DET1: variants seen among roughly 807,000 people sequenced by gnomAD.
The protein encoded by DET1 is DET1 homolog.
Under a neutral mutation model 43.7 loss-of-function variants are expected in DET1, and 22 were observed. The ratio of observed to expected loss-of-function variants is 0.50; its 90% CI spans 0.36 to 0.72. The LOEUF is 0.72. Ranked by LOEUF, DET1 falls within the 30% of genes least tolerant of loss-of-function variation. DET1 has a pLI of 0.00. For synonymous variants in DET1, 315 were observed against 266.2 expected (o/e 1.18, Z -1.79); for missense variants, 713 against 713.3 (o/e 1.00, Z 0.00).
intron 3 of DET1, among the ~76,000 whole-genome samples, chr15:88,526,514 G>A (rs926573253): frequency 2.3e-4 from 35 of 148,950 alleles, no homozygotes; most frequent in African/African-American, 7.8e-4. Flanking sequence ...GGTGACCTAA[G>A]TGATTTGTAA....
rs868324046 is a variant in DET1 at position 88,513,820 on chromosome 15, G to C, written c.1464-680C>G. 6.1e-4 allele frequency among the ~76,000 whole-genome samples: 58 copies of C among 95,854 alleles called. 1 individual carries two copies. In the South Asian group the frequency reaches 0.02, roughly 33 times the overall value. The allele number at this position is 95,854 out of a possible 152,430, so 62.9% of individuals were successfully genotyped here. ...TTTTTTTTTTTTTTTTTTTTTTTGA[G>C]ACGGAGTCTCGCTCTGTCGCCCAGG... On this transcript the variant is annotated intron_variant, in intron 4 of 4. Coordinates refer to ENST00000268148, the MANE Select transcript of DET1 (RefSeq NM_001144074.3).
chr15:88,531,064 C>T lies in DET1; in HGVS notation c.642G>A (p.Val214=), dbSNP rs764017685. The change falls in exon 2 of 5, where the codon GTG becomes GTA. Residue 214 remains valine, a synonymous_variant. Coordinates refer to ENST00000268148, the MANE Select transcript of DET1 (RefSeq NM_001144074.3). This position sits in a 1 kb window ranked among gnomAD's most constrained non-coding sequence, Gnocchi z 6.2. ...ACAGCCCTTGGTTGTGTGACAAGAC[C>T]ACCTTGTCACACTTGAACGTGCGTG... The part of the protein sequence containing the change: ...CDTRTFKCDK[V]VLSHNQGLYL... The T allele has an allele frequency of 5.0e-6, 8 of 1,613,766 alleles. No individual in the cohort carries two copies. The Admixed American group carries it at 1.3e-4, about 27-fold the overall frequency.
chr15:88,506,602 C>T (rs2056144566), intron 7 of DET1, among the ~76,000 whole-genome samples: 1 of 152,130 alleles, frequency 6.6e-6, no homozygotes, highest in African/African-American at 2.4e-5. Flanking sequence ...TTATAATCTA[C>T]TCATTAAGGA....
intron 4 of DET1, among the ~76,000 whole-genome samples, chr15:88,515,720 T>C (rs1395854974): frequency 6.6e-6 from 1 of 151,976 alleles, no homozygotes; most frequent in Admixed American, 6.6e-5. Context: ...TTTTTAAAGA[T>C]GGGGTAATGG....
intron 7 of DET1, among the ~76,000 whole-genome samples, chr15:88,507,204 T>G (rs1179987457): frequency 6.6e-6 from 1 of 152,214 alleles, no homozygotes; most frequent in Non-Finnish European, 1.5e-5. Context: ...TCTAGCTATA[T>G]GCTAATGTCT....
chr15:88,539,336 C>G (rs184184723), intron 1 of DET1, among the ~76,000 whole-genome samples: 4 of 150,946 alleles, frequency 2.6e-5, no homozygotes, highest in Admixed American at 1.3e-4. Context: ...CGATCCAAGC[C>G]GGGGGTTTAT....
At chr15:88,522,815 C>A (rs549446313) in intron 3 of DET1, among the ~76,000 whole-genome samples, 3 of 150,998 alleles carry the variant, frequency 2.0e-5, no homozygotes, top group Admixed American at 1.3e-4. Context: ...ACCGCGCACC[C>A]GGCTGGAATG....
At chr15:88,536,970 A>G (rs935091606) in intron 1 of DET1, among the ~76,000 whole-genome samples, 1 of 152,070 alleles carries the variant, frequency 6.6e-6, no homozygotes, top group African/African-American at 2.4e-5. Context: ...TCCAATCTGT[A>G]TTTTAAAACG....
intron 7 of DET1, among the ~76,000 whole-genome samples, chr15:88,507,213 C>A (rs771884689): frequency 5.3e-5 from 8 of 152,288 alleles, no homozygotes; most frequent in Non-Finnish European, 8.8e-5. Flanking sequence ...ATGCTAATGT[C>A]TTTTAACATT....
At chr15:88,512,450 G>A (rs1416183914), downstream of DET1, 2 of 985,982 alleles carry the variant, frequency 2.0e-6, no homozygotes, top group African/African-American at 1.7e-5. Flanking sequence ...AGTATGATAG[G>A]AACATAAAGC....
intron 3 of DET1, among the ~76,000 whole-genome samples, chr15:88,524,269 C>T (rs1455046192): frequency 2.6e-5 from 4 of 151,132 alleles, no homozygotes; most frequent in Admixed American, 2.6e-4. Context: ...GTGAGGAGCC[C>T]CTCCGCCTGG....
rs753629207 is a variant in DET1 at position 88,512,770 on chromosome 15, A to G, written c.*181T>C. ...ATAACAATCAGTAGCAGTATTGTAT[A>G]CAATTTAAAAATTCCATTAGGTTGA... is the stretch of plus-strand genomic sequence containing the variant. On this transcript the variant is annotated 3_prime_UTR_variant, in exon 5 of 5. Coordinates refer to ENST00000268148, the MANE Select transcript of DET1 (RefSeq NM_001144074.3). 2.6e-5 allele frequency: 36 copies of G among 1,390,170 alleles called. No individual in the cohort carries two copies. Among genetic ancestry groups the G allele is most frequent in the Non-Finnish European group, 2.9e-5 (31 of 1,074,182 alleles). The allele number at this position is 1,390,170 out of a possible 1,614,324, so 86.1% of individuals were successfully genotyped here. A position where few individuals can be genotyped will look rare whatever the true frequency, so the allele number is the denominator to read the frequency against.
At chr15:88,545,261 G>A (rs1328678777) in intron 1 of DET1, among the ~76,000 whole-genome samples, 1 of 152,026 alleles carries the variant, frequency 6.6e-6, no homozygotes, top group African/African-American at 2.4e-5. Flanking sequence ...TTGGGACTAT[G>A]TTCACCATCC....
chr15:88,514,090 C>T (rs1450019398), intron 4 of DET1, among the ~76,000 whole-genome samples: 4 of 150,016 alleles, frequency 2.7e-5, no homozygotes, highest in Non-Finnish European at 5.9e-5. Context: ...TGAGCCACCG[C>T]GCCCGGCCAG....
chr15:88,527,592 A>T lies in DET1; in HGVS notation c.1271+7T>A. 1.3e-6 allele frequency: 2 copies of T among 1,588,078 alleles called. No individual in the cohort carries two copies. Among genetic ancestry groups the T allele is most frequent in the African/African-American group, 1.4e-5 (1 of 73,860 alleles). On this transcript the variant is annotated splice_region_variant and intron_variant, in intron 3 of 4. Transcript: ENST00000268148. ...AAAAGACTGTTGAGTCTGGTGGAAC[A>T]GCTTACCGGCGCTGGATCTGCCTTG...
At chr15:88,544,536 C>A (rs1464227267) in intron 1 of DET1, among the ~76,000 whole-genome samples, 2 of 152,188 alleles carry the variant, frequency 1.3e-5, no homozygotes, top group Admixed American at 1.3e-4. Context: ...CAATTCCTAA[C>A]CAGACGGGGT....
intron 3 of DET1, among the ~76,000 whole-genome samples, chr15:88,520,038 CAT>C (rs1381140513): frequency 6.6e-6 from 1 of 152,162 alleles, no homozygotes; most frequent in Non-Finnish European, 1.5e-5. Context: ...AACATTTGTA[CAT>C]ATATAACTTT....
chr15:88,517,871 C>G (rs908527754), intron 3 of DET1, among the ~76,000 whole-genome samples: 1 of 152,164 alleles, frequency 6.6e-6, no homozygotes, highest in African/African-American at 2.4e-5. Context: ...AGTCATATAT[C>G]TGACTTATCT....
intron 3 of DET1, among the ~76,000 whole-genome samples, chr15:88,521,015 C>G (rs114760754): frequency 0.011 from 1,658 of 152,320 alleles, 33 homozygotes; most frequent in African/African-American, 0.037. Flanking sequence ...CTCCTCTGCT[C>G]AAACATGACA....
Sources: gnomAD v4.1 joint callset for allele counts (sites outside exome capture counted in the v4.1 genomes callset) on GRCh38, gnomAD v4.1.1 for gene constraint, Gnocchi (gnomAD v3.1) non-coding constraint, MANE v1.5 for transcripts, NCBI Gene and HGNC (gene_info 2026-07-23, HGNC 2026-07-21) for gene names.